Variants in PHLDB2 observed in about 807,000 individuals in gnomAD.
PHLDB2 encodes the protein pleckstrin homology like domain family B member 2.
A neutral mutation model predicts 123.6 loss-of-function variants in PHLDB2; 71 were observed. The observed-to-expected ratio is 0.57, with a 90% CI of 0.47 to 0.70. PHLDB2 has a LOEUF of 0.70. Ranked by LOEUF, PHLDB2 falls within the 30% of genes least tolerant of loss-of-function variation. PHLDB2 has a pLI of 0.00. For synonymous variants in PHLDB2, 547 were observed against 541.6 expected, an observed-to-expected ratio of 1.01 and a Z score of -0.14; for missense variants, 1,446 against 1,519.5, an observed-to-expected ratio of 0.95 and a Z score of 0.80.
intron 1 of PHLDB2, among the ~76,000 whole-genome samples, chr3:111,738,040 G>A (rs1351294106): frequency 1.3e-5 from 2 of 152,122 alleles, no homozygotes; most frequent in Non-Finnish European, 2.9e-5. Flanking sequence ...CCCAAGGAAA[G>A]CCAATACCCC....
At chr3:111,789,816 A>T (rs2060838346) in intron 1 of PHLDB2, among the ~76,000 whole-genome samples, 1 of 152,182 alleles carries the variant, frequency 6.6e-6, no homozygotes, top group African/African-American at 2.4e-5. Flanking sequence ...ATGTGCCCTG[A>T]GTATTTTTGT....
At chr3:111,956,754 C>T (rs931984374) in intron 12 of PHLDB2, among the ~76,000 whole-genome samples, 2 of 152,280 alleles carry the variant, frequency 1.3e-5, no homozygotes, top group Admixed American at 6.5e-5. Context: ...GACTGTAAAA[C>T]TGGCAGGATT....
At chr3:111,846,087 A>T in intron 2 of PHLDB2, 1 of 742,704 alleles carries the variant, frequency 1.3e-6, no homozygotes, top group Non-Finnish European at 2.2e-6. Flanking sequence ...CCTTGCCCAG[A>T]ACTTTGGTCA....
chr3:111,969,637 T>G, intron 15 of PHLDB2, 53 bp from the exon 16 acceptor site: 3 of 1,483,016 alleles, frequency 2.0e-6, no homozygotes, highest in Non-Finnish European at 2.8e-6. Flanking sequence ...ATCTGTGACC[T>G]AAAACAAAAC....
chr3:111,803,963 G>A (rs948052507), intron 1 of PHLDB2, among the ~76,000 whole-genome samples: 7 of 152,064 alleles, frequency 4.6e-5, no homozygotes, highest in East Asian at 1.9e-4. Flanking sequence ...AGTTGAAAAC[G>A]TCCTGTTTGA....
At chr3:111,920,488 A>G in intron 5 of PHLDB2, 69 bp downstream of exon 5, 1 of 1,550,424 alleles carries the variant, frequency 6.4e-7, no homozygotes, top group Non-Finnish European at 8.7e-7. Context: ...TTGAATTTAA[A>G]TGTTGAATGC....
intron 1 of PHLDB2, among the ~76,000 whole-genome samples, chr3:111,769,941 G>A (rs759661948): frequency 2.6e-5 from 4 of 152,192 alleles, no homozygotes; most frequent in Non-Finnish European, 5.9e-5. Flanking sequence ...AGACAACATA[G>A]ATAAATTAAC....
At chr3:111,811,375 T>C (rs2061830779) in intron 1 of PHLDB2, among the ~76,000 whole-genome samples, 1 of 152,192 alleles carries the variant, frequency 6.6e-6, no homozygotes, top group Non-Finnish European at 1.5e-5. Flanking sequence ...TCTTGCATTA[T>C]GCATATTTTG....
chr3:111,955,144 G>GATATAT (rs1553754364), intron 12 of PHLDB2, among the ~76,000 whole-genome samples: 2,830 of 145,258 alleles, frequency 0.019, 116 homozygotes, highest in African/African-American at 0.066. Context: ...ATGTATATAT[G>GATATAT]ATATATATAT....
At chr3:111,818,332 T>G (rs530116692) in intron 1 of PHLDB2, among the ~76,000 whole-genome samples, 1 of 152,266 alleles carries the variant, frequency 6.6e-6, no homozygotes, top group East Asian at 1.9e-4. Context: ...TGGTACAACC[T>G]ATCTAAACTC....
chr3:111,930,940 A>C (rs932615178), intron 5 of PHLDB2, among the ~76,000 whole-genome samples: 15 of 152,232 alleles, frequency 9.9e-5, no homozygotes, highest in South Asian at 2.1e-4. Flanking sequence ...TTTAAGTGAA[A>C]AATGGAGACT....
At chr3:111,777,097 C>T (rs1053823346) in intron 1 of PHLDB2, among the ~76,000 whole-genome samples, 7 of 151,902 alleles carry the variant, frequency 4.6e-5, no homozygotes, top group Admixed American at 2.6e-4. Context: ...GAGGCAGCAT[C>T]ATTTGCTGCA....
chr3:111,910,250 TGAA>T (rs2067808341), intron 2 of PHLDB2, among the ~76,000 whole-genome samples: 1 of 152,154 alleles, frequency 6.6e-6, no homozygotes, highest in African/African-American at 2.4e-5. Flanking sequence ...GAGATCAAGA[TGAA>T]GAAAAGGAGA....
At chr3:111,896,530 A>G (rs1343527944) in intron 2 of PHLDB2, among the ~76,000 whole-genome samples, 1 of 152,078 alleles carries the variant, frequency 6.6e-6, no homozygotes, top group Non-Finnish European at 1.5e-5. Flanking sequence ...TATTTTTAGT[A>G]GAGACGGGGT....
intron 6 of PHLDB2, among the ~76,000 whole-genome samples, chr3:111,933,468 AT>A (rs2069262970): frequency 6.6e-6 from 1 of 152,266 alleles, no homozygotes; most frequent in African/African-American, 2.4e-5. Context: ...AAGCTTTTCA[AT>A]GTATTGCAGA....
intron 1 of PHLDB2, among the ~76,000 whole-genome samples, chr3:111,751,168 G>GGTGTGT (rs35962012): frequency 0.011 from 1,650 of 144,102 alleles, 17 homozygotes; most frequent in Middle Eastern, 0.032. Context: ...GAGACAATGG[G>GGTGTGT]GTGTGTGTGT....
intron 1 of PHLDB2, among the ~76,000 whole-genome samples, chr3:111,761,730 T>G (rs1358298147): frequency 6.6e-6 from 1 of 152,142 alleles, no homozygotes; most frequent in African/African-American, 2.4e-5. Context: ...AATTTTTAGC[T>G]CTAACAAGTT....
At chr3:111,796,972 TTTTG>T (rs965004868) in intron 1 of PHLDB2, among the ~76,000 whole-genome samples, 1 of 152,164 alleles carries the variant, frequency 6.6e-6, no homozygotes, top group African/African-American at 2.4e-5. Context: ...ACATGACTGG[TTTTG>T]TTTGTTTTTA....
intron 1 of PHLDB2, among the ~76,000 whole-genome samples, chr3:111,840,744 G>GA (rs2063650174): frequency 6.6e-6 from 1 of 152,032 alleles, no homozygotes; most frequent in Admixed American, 6.6e-5. Flanking sequence ...TCAATTAGAC[G>GA]AACCTACTCA....
Sources: allele counts gnomAD v4.1 joint callset (sites outside exome capture counted in the v4.1 genomes callset), GRCh38; gene constraint gnomAD v4.1.1; transcripts MANE v1.5; gene names NCBI Gene and HGNC (gene_info 2026-07-23, HGNC 2026-07-21).